The following C4orf50 variants were observed in gnomAD, a reference collection of about 807,000 sequenced individuals.
C4orf50 encodes the protein uncharacterized protein C4orf50.
Under a neutral mutation model 77.2 loss-of-function variants are expected in C4orf50, and 80 were observed. The observed-to-expected ratio is 1.04, with a 90% CI of 0.87 to 1.25. The LOEUF is 1.25. Among genes scored for constraint, C4orf50 ranks in the 50% most tolerant of loss-of-function variants. The probability of loss-of-function intolerance (pLI) is 0.00; values close to 1 mark genes in which losing one functional copy is unlikely to be tolerated. For missense variants in C4orf50, 1,257 were observed against 1,152.9 expected, an observed-to-expected ratio of 1.09 and a Z score of -1.31; for synonymous variants, 532 against 465.3, an observed-to-expected ratio of 1.14 and a Z score of -1.84.
intron 7 of C4orf50, among the ~76,000 whole-genome samples, chr4:5,939,744 G>C (rs545705948): frequency 6.6e-6 from 1 of 152,214 alleles, no homozygotes; most frequent in Admixed American, 6.5e-5. Flanking sequence ...AACCAGGCCT[G>C]GATCCTCAGC....
rs1008002918 is a variant in C4orf50 at position 6,017,944 on chromosome 4, C to A, written c.287+201G>T. The stretch of plus-strand genomic sequence containing the variant: ...ATGGAAGCCTTTGAGCAGAGGAGCC[C>A]GGGCAGCCTCATCTGCAGGTACAGA... On this transcript the variant is annotated intron_variant, in intron 23 of 33. Transcript: ENST00000531445. The surrounding 1 kb of genome is among the most constrained non-coding windows in gnomAD (Gnocchi z 4.7). 9.2e-5 allele frequency among the ~76,000 whole-genome samples: 14 copies of A among 152,114 alleles called. No individual in the cohort carries two copies. Among genetic ancestry groups the A allele is most frequent in the Admixed American group, 6.5e-5 (1 of 15,274 alleles).
chr4:5,902,476 G>C (rs1716382315), intron 7 of C4orf50: 1 of 152,192 alleles, frequency 6.6e-6, no homozygotes. Context: ...TTCCTGGGTT[G>C]TGTACTGCAG....
At chr4:5,991,916 C>T (rs1428783292) in intron 27 of C4orf50, among the ~76,000 whole-genome samples, 1 of 152,226 alleles carries the variant, frequency 6.6e-6, no homozygotes, top group East Asian at 1.9e-4. Flanking sequence ...TTGTCTTTGC[C>T]TTTGTCTGCA....
At chr4:5,962,631 A>G (rs1719333849) in intron 33 of C4orf50, among the ~76,000 whole-genome samples, 1 of 152,208 alleles carries the variant, frequency 6.6e-6, no homozygotes, top group African/African-American at 2.4e-5. Flanking sequence ...TCAGAGGGCC[A>G]GCTCCGGAGC....
chr4:5,976,060 C>T lies in C4orf50; in HGVS notation c.3865-105G>A, dbSNP rs1445110408. On this transcript the variant is annotated intron_variant, in intron 29 of 33. Transcript: ENST00000531445. ...AGAACAGCTGGCAGTTGCCTGCCCT[C>T]TTTACCCTCATGGGGACTCAGTGCC... 1.0e-5 allele frequency: 9 copies of T among 875,238 alleles called. No individual in the cohort carries two copies. In the East Asian group the frequency reaches 1.7e-4, roughly 17 times the overall value. 54.2% of individuals were successfully genotyped at this position (875,238 alleles called of 1,614,324 possible).
intron 28 of C4orf50, among the ~76,000 whole-genome samples, chr4:5,980,857 G>T (rs1361762737): frequency 6.6e-6 from 1 of 152,124 alleles, no homozygotes; most frequent in South Asian, 2.1e-4. Flanking sequence ...TCTCCCACAG[G>T]CACTTTTCTT....
chr4:5,955,667 C>G (rs1718924029), downstream of C4orf50, among the ~76,000 whole-genome samples: 1 of 152,148 alleles, frequency 6.6e-6, no homozygotes, highest in Non-Finnish European at 1.5e-5. The surrounding 1 kb of genome is among the most constrained non-coding windows in gnomAD (Gnocchi z 5.1). Flanking sequence ...CTGCCCAGTG[C>G]TCTATCAGTC....
rs2108772415 is a variant in C4orf50 at position 5,970,769 on chromosome 4, T to C, written c.4104+2890A>G. ...CACCTCCTCCTGAAAGGGTAGAGCTTAGTGGCCTCAGCCCAAGGCCCAGCC... is the reference window on the plus strand; with the variant it reads ...CACCTCCTCCTGAAAGGGTAGAGCTCAGTGGCCTCAGCCCAAGGCCCAGCC... On this transcript the variant is annotated intron_variant, in intron 31 of 33. Transcript: ENST00000531445. The surrounding 1 kb of genome is among the most constrained non-coding windows in gnomAD (Gnocchi z 4.3). Among the ~76,000 whole-genome samples, 1 of 152,212 alleles carries C rather than the reference T, an allele frequency of 6.6e-6. No individual in the cohort carries two copies. The highest frequency in any genetic ancestry group is 2.1e-4 in the South Asian group (1 of 4,820).
At chr4:6,010,851 C>T (rs1415786012) in intron 24 of C4orf50, among the ~76,000 whole-genome samples, 1 of 152,224 alleles carries the variant, frequency 6.6e-6, no homozygotes, top group Non-Finnish European at 1.5e-5. Context: ...ATTATAAAAG[C>T]AGATAGTGTC....
intron 33 of C4orf50, among the ~76,000 whole-genome samples, chr4:5,960,352 T>C (rs1393863082): frequency 6.6e-6 from 1 of 152,230 alleles, no homozygotes; most frequent in African/African-American, 2.4e-5. Context: ...ATGTGAGTCC[T>C]GCTAATGCCT....
At chr4:5,924,768 T>C (rs1717440228) in intron 7 of C4orf50, among the ~76,000 whole-genome samples, 1 of 152,064 alleles carries the variant, frequency 6.6e-6, no homozygotes, top group Non-Finnish European at 1.5e-5. Context: ...GAAGCGGCTT[T>C]ATAGAGGAAG....
chr4:5,930,360 G>A lies in C4orf50; in HGVS notation c.*2474+26541C>T, dbSNP rs529682165. On this transcript the variant is annotated intron_variant, in intron 7 of 7. Coordinates refer to the C4orf50 transcript ENST00000324058. The stretch of plus-strand genomic sequence containing the variant: ...GGTCAGCTCTATAGGGATTAACCCT[G>A]ACTTCCGGCCCCCATCCTTGCTTGA... Among the ~76,000 whole-genome samples, 7 of 152,310 alleles carry A rather than the reference G, an allele frequency of 4.6e-5. 1 individual carries two copies. The South Asian group carries it at 1.5e-3, about 32-fold the overall frequency.
At chr4:5,989,340 A>C in exon 28 of C4orf50, 1 of 1,536,010 alleles carries the variant, frequency 6.5e-7, no homozygotes, top group Non-Finnish European at 8.7e-7. Flanking sequence ...GGCTGGCTTC[A>C]TCCCAATGAG....
intron 7 of C4orf50, among the ~76,000 whole-genome samples, chr4:5,948,387 G>A (rs182415876): frequency 1.3e-5 from 2 of 152,208 alleles, no homozygotes; most frequent in African/African-American, 4.8e-5. Flanking sequence ...AGCCAGGGCT[G>A]GGCGTGGTGG....
chr4:5,967,494 G>A (rs1240882812), intron 31 of C4orf50, 32 bp from the exon 10 acceptor site: 1 of 1,599,834 alleles, frequency 6.3e-7, no homozygotes, highest in Non-Finnish European at 8.6e-7. Context: ...CGGTTATTCT[G>A]CATGGCACTG....
rs1041981500 is a variant in C4orf50 at position 6,011,958 on chromosome 4, G to C, written c.298C>G (p.Leu100Val). 1.0e-5 allele frequency: 4 copies of C among 398,974 alleles called. No individual in the cohort carries two copies. The highest frequency in any genetic ancestry group is 4.4e-5 in the Admixed American group (1 of 22,726). The allele number at this position is 398,974 out of a possible 1,614,324, so 24.7% of individuals were successfully genotyped here. ...AGGAGTTTCCTTTCTGACAGCTCCA[G>C]CTCCTGAATTCTGCAGCATGAAAAG... is the stretch of plus-strand genomic sequence containing the variant. Residue 100 changes from leucine (L) to valine (V), a missense_variant, in exon 24 of 34, where the codon CTG (leucine) becomes GTG (valine). Coordinates refer to ENST00000531445, the Ensembl canonical transcript of C4orf50. The surrounding 1 kb of genome is among the most constrained non-coding windows in gnomAD (Gnocchi z 4.2).
chr4:5,998,120 G>C (rs28710041), intron 25 of C4orf50, among the ~76,000 whole-genome samples: 38,009 of 152,072 alleles, frequency 0.25, 5,490 homozygotes, highest in East Asian at 0.61. Flanking sequence ...CTGCTTGACA[G>C]CCCTTCCAAA....
intron 33 of C4orf50, among the ~76,000 whole-genome samples, chr4:5,961,475 C>T (rs1719272278): frequency 6.6e-6 from 1 of 152,198 alleles, no homozygotes; most frequent in African/African-American, 2.4e-5. Flanking sequence ...AAGCACTTTC[C>T]ACATATTGAT....
chr4:5,994,398 A>G, exon 26 of C4orf50: 1 of 399,176 alleles, frequency 2.5e-6, no homozygotes, highest in Non-Finnish European at 4.4e-6. Context: ...GAGTTCCGCC[A>G]GTCTTGGCTT....
Sources: allele counts gnomAD v4.1 joint callset (sites outside exome capture counted in the v4.1 genomes callset), GRCh38; gene constraint gnomAD v4.1.1; non-coding constraint Gnocchi (gnomAD v3.1); transcripts MANE v1.5; gene names NCBI Gene and HGNC (gene_info 2026-07-23, HGNC 2026-07-21).